FUT8: variants seen among roughly 807,000 people sequenced by gnomAD.
The protein encoded by FUT8 is alpha-(1,6)-fucosyltransferase.
A neutral mutation model predicts 71.3 loss-of-function variants in FUT8; 29 were observed. The ratio of observed to expected loss-of-function variants is 0.41; its 90% CI spans 0.30 to 0.55. The LOEUF (loss-of-function observed/expected upper bound fraction) is 0.55, where lower values mean the gene tolerates loss of function less well. FUT8 is among the 20% of genes least tolerant of loss of function. The probability of loss-of-function intolerance (pLI) is 0.34; values close to 1 mark genes in which losing one functional copy is unlikely to be tolerated. For synonymous variants in FUT8, 254 were observed against 239.3 expected, an observed-to-expected ratio of 1.06 and a Z score of -0.57; for missense variants, 544 against 702.1, an observed-to-expected ratio of 0.77 and a Z score of 2.55.
Position 65,652,017 on chromosome 14 carries a change from CAGGT to C in FUT8, c.598-17223_598-17220del, listed in dbSNP as rs1416769276. Among the ~76,000 whole-genome samples the C allele has an allele frequency of 1.3e-5, 2 of 152,106 alleles. No individual in the cohort carries two copies. Among genetic ancestry groups the C allele is most frequent in the African/African-American group, 4.8e-5 (2 of 41,406 alleles). ...GACACAGGGAAAAAGCCAGTGAAGT[CAGGT>C]AGTGATTGGAGAGATGTGTCTACAA... On this transcript the variant is annotated intron_variant, in intron 6 of 10. Transcript: ENST00000673929. The surrounding 1 kb of genome is among the most constrained non-coding windows in gnomAD (Gnocchi z 4.0).
intron 2 of FUT8, among the ~76,000 whole-genome samples, chr14:65,540,345 A>G (rs978411365): frequency 5.3e-5 from 8 of 152,206 alleles, no homozygotes. Context: ...CAAAAAAGAG[A>G]TGAAAGCAGA....
intron 2 of FUT8, among the ~76,000 whole-genome samples, chr14:65,534,043 G>A (rs1335194119): frequency 6.6e-6 from 1 of 152,120 alleles, no homozygotes; most frequent in African/African-American, 2.4e-5. Context: ...TTTTGTTGAA[G>A]ATTTTTGCAT....
chr14:65,692,394 G>A (rs1893679636), intron 7 of FUT8, among the ~76,000 whole-genome samples: 1 of 146,738 alleles, frequency 6.8e-6, no homozygotes, highest in Non-Finnish European at 1.5e-5. Context: ...GGGGCGGCTG[G>A]CCGGGCGGGG....
At chr14:65,522,727 C>T (rs1040028508) in intron 2 of FUT8, among the ~76,000 whole-genome samples, 7 of 134,884 alleles carry the variant, frequency 5.2e-5, no homozygotes, top group Non-Finnish European at 7.9e-5. Context: ...CCCCCCTCCC[C>T]CCACCCCGCA....
At chr14:65,585,171 ATTATTTAT>A (rs1887314001) in intron 3 of FUT8, among the ~76,000 whole-genome samples, 1 of 151,782 alleles carries the variant, frequency 6.6e-6, no homozygotes, top group Admixed American at 6.6e-5. Context: ...TGATTTCTAT[ATTATTTAT>A]TTATTTTAAT....
chr14:65,437,088 C>G lies in FUT8; in HGVS notation c.-325-18533C>G, dbSNP rs79212940. 5.7e-3 allele frequency among the ~76,000 whole-genome samples: 871 copies of G among 152,274 alleles called. 30 individuals are homozygous for G. In the East Asian group the frequency reaches 0.092, roughly 16 times the overall value. On this transcript the variant is annotated intron_variant, in intron 1 of 10. Coordinates refer to ENST00000673929, the MANE Select transcript of FUT8 (RefSeq NM_001371533.1). ...TTGAGTTCATTCTTTATCAGCAAAA[C>G]AGGATTGATAATCTCTCCTTTTTAT...
At chr14:65,692,869 G>GT (rs1893753174) in intron 7 of FUT8, among the ~76,000 whole-genome samples, 2 of 151,676 alleles carry the variant, frequency 1.3e-5, no homozygotes, top group Admixed American at 1.3e-4. Context: ...ATCCCAGACG[G>GT]GGTGGCGGGG....
At position 65,489,758 on chromosome 14, in the gene FUT8, G is replaced by A. The variant is rs906221324; in HGVS notation, c.-228+34040G>A. 2.0e-5 allele frequency among the ~76,000 whole-genome samples: 3 copies of A among 151,970 alleles called. No individual in the cohort carries two copies. The highest frequency in any genetic ancestry group is 7.2e-5 in the African/African-American group (3 of 41,400). On this transcript the variant is annotated intron_variant, in intron 2 of 10. Transcript: ENST00000673929. The surrounding 1 kb of genome is among the most constrained non-coding windows in gnomAD (Gnocchi z 4.0). ...AAAGGATTCTATGTTTTGTTTATTG[G>A]TATCACACACGTGTCATGTGGGTCA...
At chr14:65,442,859 G>A (rs1382635799) in intron 1 of FUT8, among the ~76,000 whole-genome samples, 1 of 151,280 alleles carries the variant, frequency 6.6e-6, no homozygotes, top group East Asian at 1.9e-4. Flanking sequence ...CAGTATAGAG[G>A]GGCATCCTAC....
intron 7 of FUT8, among the ~76,000 whole-genome samples, chr14:65,715,161 T>C (rs1175407134): frequency 6.6e-6 from 1 of 152,242 alleles, no homozygotes; most frequent in Non-Finnish European, 1.5e-5. Flanking sequence ...GTTCCAGATC[T>C]TAGAGAAGTG....
intron 1 of FUT8, among the ~76,000 whole-genome samples, chr14:65,442,699 G>T (rs2065679656): frequency 6.6e-6 from 1 of 151,856 alleles, no homozygotes; most frequent in Non-Finnish European, 1.5e-5. Context: ...AGCTGGGCAT[G>T]GTGGTACTTG....
At chr14:65,397,630 G>A in the FUT8 span, among the ~76,000 whole-genome samples, 153 of 152,288 alleles carry the variant, frequency 1.0e-3, no homozygotes, top group African/African-American at 3.2e-3. This position sits in a 1 kb window ranked among gnomAD's most constrained non-coding sequence, Gnocchi z 4.2. Flanking sequence ...ACACGTGCAC[G>A]CCTGCCCTGT....
At chr14:65,429,057 A>G (rs556840672) in intron 1 of FUT8, among the ~76,000 whole-genome samples, 10 of 152,340 alleles carry the variant, frequency 6.6e-5, no homozygotes, top group Admixed American at 4.6e-4. Flanking sequence ...GTACATGTGT[A>G]TATGTGTGTG....
At chr14:65,422,538 C>T (rs1435648554) in intron 1 of FUT8, among the ~76,000 whole-genome samples, 4 of 152,050 alleles carry the variant, frequency 2.6e-5, no homozygotes, top group African/African-American at 4.8e-5. Context: ...TGCTCAATTG[C>T]CCAGGCTGAC....
chr14:65,358,642 G>C, the FUT8 span, among the ~76,000 whole-genome samples: 1 of 152,048 alleles, frequency 6.6e-6, no homozygotes, highest in African/African-American at 2.4e-5. Flanking sequence ...GATGGATGGG[G>C]TTTCTCCGTG....
At chr14:65,390,792 C>T in the FUT8 span, among the ~76,000 whole-genome samples, 6 of 148,812 alleles carry the variant, frequency 4.0e-5, no homozygotes, top group South Asian at 2.1e-4. Context: ...GGCGCCATCT[C>T]GGCTCACAGC....
At chr14:65,368,277 C>T in the FUT8 span, among the ~76,000 whole-genome samples, 15,921 of 113,960 alleles carry the variant, frequency 0.14, 1,479 homozygotes, top group East Asian at 0.39. Flanking sequence ...ATGGTCTTGA[C>T]CTCCTGACCT....
intron 2 of FUT8, among the ~76,000 whole-genome samples, chr14:65,502,657 T>G (rs893636917): frequency 6.6e-6 from 1 of 152,216 alleles, no homozygotes; most frequent in Non-Finnish European, 1.5e-5. Flanking sequence ...GTAAAATAAA[T>G]AATGGTAAAA....
chr14:65,459,849 A>G (rs1179000290), intron 2 of FUT8, among the ~76,000 whole-genome samples: 1 of 151,996 alleles, frequency 6.6e-6, no homozygotes, highest in Non-Finnish European at 1.5e-5. Flanking sequence ...AAAAATAATA[A>G]AAAAAATAGC....
Sources: gnomAD v4.1 joint callset for allele counts (sites outside exome capture counted in the v4.1 genomes callset) on GRCh38, gnomAD v4.1.1 for gene constraint, Gnocchi (gnomAD v3.1) non-coding constraint, MANE v1.5 for transcripts, NCBI Gene and HGNC (gene_info 2026-07-23, HGNC 2026-07-21) for gene names.